Variants in SP100 observed in about 807,000 individuals in gnomAD.
SP100 encodes the protein nuclear autoantigen Sp-100.
In SP100, 84 loss-of-function variants were observed where a neutral mutation model predicts 130.0. The observed-to-expected ratio is 0.65, with a 90% confidence interval of 0.54 to 0.77. The LOEUF (loss-of-function observed/expected upper bound fraction) is 0.77, where lower values mean the gene tolerates loss of function less well. Ranked by LOEUF, SP100 falls within the 30% of genes least tolerant of loss-of-function variation. SP100 has a pLI of 0.00. For synonymous variants in SP100, 331 were observed against 351.7 expected, an observed-to-expected ratio of 0.94 and a Z score of 0.66; for missense variants, 978 against 1,052.2, an observed-to-expected ratio of 0.93 and a Z score of 0.97.
At chr2:230,446,069 G>C in intron 4 of SP100, among the ~76,000 whole-genome samples, 2 of 152,216 alleles carry the variant, frequency 1.3e-5, no homozygotes, top group South Asian at 4.2e-4. Flanking sequence ...CCTGTTTCTA[G>C]CCTCATCTTT....
intron 24 of SP100, among the ~76,000 whole-genome samples, chr2:230,530,761 G>A (rs1559537247): frequency 6.6e-6 from 1 of 152,086 alleles, no homozygotes; most frequent in East Asian, 1.9e-4. Flanking sequence ...GTGGGCAAAG[G>A]ATATGAACAG....
At chr2:230,527,267 T>C (rs1278113770) in intron 24 of SP100, among the ~76,000 whole-genome samples, 1 of 152,168 alleles carries the variant, frequency 6.6e-6, no homozygotes, top group Admixed American at 6.5e-5. Context: ...TGGCAGCCAA[T>C]ATTCAACACT....
chr2:230,523,882 C>T (rs1264407382), intron 24 of SP100, among the ~76,000 whole-genome samples: 1 of 151,330 alleles, frequency 6.6e-6, no homozygotes, highest in Non-Finnish European at 1.5e-5. Flanking sequence ...GCACTGTAGC[C>T]TAAGTGACAA....
chr2:230,432,870 T>C (rs2063140118), intron 2 of SP100, among the ~76,000 whole-genome samples: 1 of 152,222 alleles, frequency 6.6e-6, no homozygotes, highest in Non-Finnish European at 1.5e-5. Context: ...TTTATTCTCT[T>C]ATGATTATAC....
chr2:230,451,201 T>G (rs2063965640), intron 8 of SP100, among the ~76,000 whole-genome samples: 1 of 152,258 alleles, frequency 6.6e-6, no homozygotes, highest in Non-Finnish European at 1.5e-5. Context: ...TTTATTTATT[T>G]GAGGACACTC....
intron 23 of SP100, chr2:230,509,638 G>A (rs920447573): frequency 1.3e-5 from 2 of 152,020 alleles, no homozygotes; most frequent in Non-Finnish European, 2.9e-5. Flanking sequence ...CTCCCCGGAG[G>A]GTCTATCTTC....
chr2:230,434,600 GA>G (rs569027623), intron 2 of SP100, among the ~76,000 whole-genome samples: 61 of 151,248 alleles, frequency 4.0e-4, no homozygotes, highest in African/African-American at 1.3e-3. Context: ...AAGGGCATGA[GA>G]AAAAAAAATA....
intron 17 of SP100, among the ~76,000 whole-genome samples, chr2:230,482,476 C>G (rs2065879065): frequency 6.6e-6 from 1 of 152,140 alleles, no homozygotes; most frequent in South Asian, 2.1e-4. Flanking sequence ...AATAAACCTA[C>G]TGAGAACAAA....
At chr2:230,486,672 T>G (rs953723277) in intron 17 of SP100, among the ~76,000 whole-genome samples, 1 of 152,270 alleles carries the variant, frequency 6.6e-6, no homozygotes, top group Non-Finnish European at 1.5e-5. Context: ...GAATGACTTA[T>G]ATTCCTTTGG....
rs977229415 is a variant in SP100, at chr2:230,543,819, A to T, written c.*873A>T. ...ACTAGATAAAACTATTTTAAAATTCATACAGAACCAAAAAAGAGCCCAAAT... is the reference window on the plus strand; with the variant it reads ...ACTAGATAAAACTATTTTAAAATTCTTACAGAACCAAAAAAGAGCCCAAAT... On this transcript the variant is annotated 3_prime_UTR_variant, in exon 29 of 29. Transcript: ENST00000340126. 3 of 152,234 alleles carry T rather than the reference A, an allele frequency of 2.0e-5. No homozygotes were observed. The highest frequency in any genetic ancestry group is 2.9e-5 in the Non-Finnish European group (2 of 68,036). The allele number at this position is 152,234 out of a possible 1,614,324, so 9.4% of individuals were successfully genotyped here. A position where few individuals can be genotyped will look rare whatever the true frequency, so the allele number is the denominator to read the frequency against.
intron 17 of SP100, among the ~76,000 whole-genome samples, chr2:230,486,588 G>T (rs1016247097): frequency 6.6e-6 from 1 of 152,190 alleles, no homozygotes; most frequent in African/African-American, 2.4e-5. Context: ...TTGGGCATCT[G>T]GTTTGGATCC....
At chr2:230,513,699 T>C (rs1345856017) in intron 24 of SP100, among the ~76,000 whole-genome samples, 1 of 152,242 alleles carries the variant, frequency 6.6e-6, no homozygotes, top group African/African-American at 2.4e-5. Flanking sequence ...AGGTAGGTCA[T>C]GACACACAGC....
intron 5 of SP100, 130 bp from the exon 6 acceptor site, chr2:230,448,958 G>A: frequency 1.4e-6 from 1 of 704,014 alleles, no homozygotes; most frequent in East Asian, 2.5e-5. Flanking sequence ...GCCAGCTCCA[G>A]GTGGCCTTTG....
intron 24 of SP100, among the ~76,000 whole-genome samples, chr2:230,524,481 A>C (rs1256666857): frequency 3.9e-5 from 6 of 152,178 alleles, no homozygotes; most frequent in Admixed American, 3.9e-4. Context: ...AAACAGTTGA[A>C]TCTTCTGAGT....
intron 13 of SP100, among the ~76,000 whole-genome samples, chr2:230,467,580 G>A (rs763983695): frequency 1.3e-5 from 2 of 152,170 alleles, no homozygotes; most frequent in Non-Finnish European, 2.9e-5. Context: ...CTCACATGGT[G>A]GCAGACAAGA....
intron 8 of SP100, among the ~76,000 whole-genome samples, chr2:230,453,729 G>T (rs925073263): frequency 6.6e-6 from 1 of 152,138 alleles, no homozygotes; most frequent in African/African-American, 2.4e-5. Context: ...TTTCATATAC[G>T]TTTATCAAGG....
Position 230,543,147 on chromosome 2 carries a change from T to TA in SP100, c.*201_*202insA, listed in dbSNP as rs1692238962. 3.0e-6 allele frequency: 1 copy of TA among 332,758 alleles called. No individual in the cohort carries two copies. Among genetic ancestry groups the TA allele is most frequent in the Non-Finnish European group, 5.3e-6 (1 of 188,244 alleles). The allele number at this position is 332,758 out of a possible 1,614,324, so 20.6% of individuals were successfully genotyped here. A position where few individuals can be genotyped will look rare whatever the true frequency, so the allele number is the denominator to read the frequency against. ...TAAAAATTCTCAATAAGCTAGGTAT[T>TA]GAGGAACATATCCCAAAATAATAAG... is the stretch of plus-strand genomic sequence containing the variant. On this transcript the variant is annotated 3_prime_UTR_variant, in exon 29 of 29. Coordinates refer to ENST00000340126, the MANE Select transcript of SP100 (RefSeq NM_001080391.2).
At chr2:230,425,632 A>G (rs1371232387) in intron 2 of SP100, among the ~76,000 whole-genome samples, 1 of 152,160 alleles carries the variant, frequency 6.6e-6, no homozygotes, top group Non-Finnish European at 1.5e-5. Flanking sequence ...TGATCATTTT[A>G]GTGTACTGTT....
At chr2:230,452,437 A>C (rs1302935828) in intron 8 of SP100, among the ~76,000 whole-genome samples, 1 of 152,146 alleles carries the variant, frequency 6.6e-6, no homozygotes, top group Non-Finnish European at 1.5e-5. Context: ...TCAAACTCCT[A>C]GATGCTGGGA....
Sources: gnomAD v4.1 joint callset for allele counts (sites outside exome capture counted in the v4.1 genomes callset) on GRCh38, gnomAD v4.1.1 for gene constraint, MANE v1.5 for transcripts, NCBI Gene and HGNC (gene_info 2026-07-23, HGNC 2026-07-21) for gene names.